HS2ST1: variants seen among roughly 807,000 people sequenced by gnomAD.
HS2ST1 encodes the protein heparan sulfate 2-O-sulfotransferase 1.
A neutral mutation model predicts 42.9 loss-of-function variants in HS2ST1; 18 were observed. That is an observed-to-expected ratio of 0.42 (90% CI 0.29 to 0.62). The LOEUF is 0.62. Ranked by LOEUF, HS2ST1 falls within the 20% of genes least tolerant of loss-of-function variation. The pLI, the probability that HS2ST1 is intolerant of heterozygous loss-of-function variation, is 0.21. For missense variants in HS2ST1, 334 were observed against 433.8 expected (o/e 0.77, Z 2.04); for synonymous variants, 146 against 152.9 (o/e 0.95, Z 0.33).
intron 1 of HS2ST1, among the ~76,000 whole-genome samples, chr1:87,007,862 A>G (rs754106859): frequency 6.6e-6 from 1 of 152,086 alleles, no homozygotes; most frequent in Non-Finnish European, 1.5e-5. Flanking sequence ...CTGTGCATCT[A>G]TTTTTAAATC....
intron 1 of HS2ST1, among the ~76,000 whole-genome samples, chr1:86,971,813 G>A (rs1047613822): frequency 5.9e-5 from 9 of 151,938 alleles, no homozygotes; most frequent in Non-Finnish European, 1.0e-4. Flanking sequence ...TCTGACCGAG[G>A]TTGAAGTCTT....
At chr1:86,990,922 C>T (rs1302301186) in intron 1 of HS2ST1, among the ~76,000 whole-genome samples, 5 of 144,916 alleles carry the variant, frequency 3.5e-5, no homozygotes, top group South Asian at 2.3e-4. Context: ...TCAGGGGATC[C>T]GCCTGCCTGG....
intron 3 of HS2ST1, among the ~76,000 whole-genome samples, chr1:87,087,097 T>A (rs1424149256): frequency 6.6e-6 from 1 of 152,108 alleles, no homozygotes; most frequent in Non-Finnish European, 1.5e-5. Context: ...TTATAAACAG[T>A]AAAAATATTA....
intron 1 of HS2ST1, among the ~76,000 whole-genome samples, chr1:86,968,959 TTCTTTGCTGA>T (rs1329953431): frequency 2.0e-5 from 3 of 152,216 alleles, no homozygotes; most frequent in Non-Finnish European, 4.4e-5. Context: ...GGAATTGTTT[TTCTTTGCTGA>T]AAGAATTGAA....
chr1:87,081,989 AAAAAG>A (rs1488529618), intron 2 of HS2ST1, among the ~76,000 whole-genome samples: 1 of 151,444 alleles, frequency 6.6e-6, no homozygotes, highest in Non-Finnish European at 1.5e-5. Context: ...AAAAAAGAAA[AAAAAG>A]AAAAAAAAAG....
At chr1:87,015,056 G>C (rs1348784746) in intron 1 of HS2ST1, among the ~76,000 whole-genome samples, 2 of 151,662 alleles carry the variant, frequency 1.3e-5, no homozygotes, top group Non-Finnish European at 2.9e-5. Context: ...TTTTTTGTTT[G>C]TTTGTTTGTT....
intron 2 of HS2ST1, among the ~76,000 whole-genome samples, chr1:87,080,094 A>G (rs1052842327): frequency 6.6e-6 from 1 of 152,144 alleles, no homozygotes; most frequent in African/African-American, 2.4e-5. Context: ...TAAAGCAATA[A>G]TAATCACCTG....
intron 1 of HS2ST1, among the ~76,000 whole-genome samples, chr1:87,023,290 A>G (rs1044605730): frequency 2.0e-5 from 3 of 152,204 alleles, no homozygotes; most frequent in African/African-American, 7.2e-5. Flanking sequence ...TGTATTTACA[A>G]GGATATTCAT....
At chr1:86,968,419 T>C (rs572136009) in intron 1 of HS2ST1, among the ~76,000 whole-genome samples, 3 of 117,348 alleles carry the variant, frequency 2.6e-5, no homozygotes, top group South Asian at 6.8e-4. Flanking sequence ...GGATTACTTA[T>C]TTCTCCAATC....
intron 1 of HS2ST1, among the ~76,000 whole-genome samples, chr1:87,038,921 G>GT (rs552787224): frequency 5.4e-4 from 82 of 151,792 alleles, no homozygotes; most frequent in African/African-American, 1.9e-3. Flanking sequence ...GTATATTGCC[G>GT]TTTTTTTAAA....
intron 1 of HS2ST1, among the ~76,000 whole-genome samples, chr1:86,933,634 CAT>C (rs1054244765): frequency 5.9e-5 from 9 of 152,064 alleles, no homozygotes; most frequent in African/African-American, 2.2e-4. Flanking sequence ...AAATCTCTGC[CAT>C]ATATGAGTCT....
At chr1:86,942,942 C>T (rs1162292363) in intron 1 of HS2ST1, among the ~76,000 whole-genome samples, 1 of 152,020 alleles carries the variant, frequency 6.6e-6, no homozygotes, top group East Asian at 1.9e-4. Context: ...CCCTTATCTA[C>T]AATCATCAGA....
At chr1:87,037,956 A>G (rs1383258571) in intron 1 of HS2ST1, among the ~76,000 whole-genome samples, 1 of 152,020 alleles carries the variant, frequency 6.6e-6, no homozygotes, top group Non-Finnish European at 1.5e-5. Context: ...TTATACATTC[A>G]AGCAAATGTT....
rs556700490 is a variant in HS2ST1, at chr1:87,028,783, A to G, written c.125-44151A>G. Among the ~76,000 whole-genome samples, 146 of 152,356 alleles carry G rather than the reference A, an allele frequency of 9.6e-4. 1 individual carries two copies. The highest frequency in any genetic ancestry group is 3.4e-3 in the Middle Eastern group (1 of 294). ...AGAATTACAGGAAATGACTAGTGTA[A>G]AAACGGAAAAGCTGATATTTTTGAA... On this transcript the variant is annotated intron_variant, in intron 1 of 6. Transcript: ENST00000370550.
rs144886070 is a variant in HS2ST1, at chr1:87,011,933, A to G, written c.125-61001A>G. 4.6e-5 allele frequency among the ~76,000 whole-genome samples: 7 copies of G among 152,350 alleles called. No individual in the cohort carries two copies. The East Asian group carries it at 1.2e-3, about 25-fold the overall frequency. On this transcript the variant is annotated intron_variant, in intron 1 of 6. Coordinates refer to ENST00000370550, the MANE Select transcript of HS2ST1 (RefSeq NM_012262.4). ...ATTTATATTGTTTAGTGGCTAAGGA[A>G]GGTTAACATGAAATCTTGTTCAATT...
intron 2 of HS2ST1, among the ~76,000 whole-genome samples, chr1:87,079,404 C>G (rs1340195645): frequency 1.3e-5 from 2 of 152,188 alleles, no homozygotes; most frequent in Admixed American, 6.5e-5. Flanking sequence ...TTCCAAAGTG[C>G]TAGGATTATA....
chr1:87,105,770 C>T lies in HS2ST1; in HGVS notation c.*1074C>T, dbSNP rs1652313298. On this transcript the variant is annotated 3_prime_UTR_variant, in exon 7 of 7. Transcript: ENST00000370550. ...TCAGACCTACTGTTCTTGTATTTCT[C>T]ATTTAACTTTACTGTTAAGACATCA... 6.6e-6 allele frequency: 1 copy of T among 152,472 alleles called. No individual in the cohort carries two copies. The highest frequency in any genetic ancestry group is 2.1e-4 in the South Asian group (1 of 4,824). The allele number at this position is 152,472 out of a possible 1,614,324, so 9.4% of individuals were successfully genotyped here. A position where few individuals can be genotyped will look rare whatever the true frequency, so the allele number is the denominator to read the frequency against.
At chr1:87,064,542 T>A (rs751289634) in intron 1 of HS2ST1, 1 of 517,994 alleles carries the variant, frequency 1.9e-6, no homozygotes. Flanking sequence ...GCATCCCTGT[T>A]GACTATCTGG....
At chr1:86,951,037 G>A (rs1354067472) in intron 1 of HS2ST1, among the ~76,000 whole-genome samples, 1 of 152,132 alleles carries the variant, frequency 6.6e-6, no homozygotes, top group Non-Finnish European at 1.5e-5. Context: ...GGCATTTAAG[G>A]CAAGGAAACA....
Sources: gnomAD v4.1 joint callset for allele counts (sites outside exome capture counted in the v4.1 genomes callset) on GRCh38, gnomAD v4.1.1 for gene constraint, MANE v1.5 for transcripts, NCBI Gene and HGNC (gene_info 2026-07-23, HGNC 2026-07-21) for gene names.